Variants in OGT observed in about 807,000 individuals in gnomAD.
OGT encodes O-linked N-acetylglucosamine (GlcNAc) transferase, also known as UDP-N-acetylglucosamine--peptide N-acetylglucosaminyltransferase 110 kDa subunit.
OGT carries 3 observed loss-of-function variants against 75.8 expected under a neutral mutation model. That is an observed-to-expected ratio of 0.04 (90% CI 0.02 to 0.10). OGT has a LOEUF of 0.10. Among genes scored for constraint, OGT ranks in the 10% least tolerant of loss-of-function variants. The pLI is 1.00. For synonymous variants in OGT, 257 were observed against 289.7 expected (o/e 0.89, Z 1.15); for missense variants, 260 against 824.4 (o/e 0.32, Z 8.38).
intron 2 of OGT, 93 bp from the exon 3 acceptor site, chrX:71,537,736 G>A: frequency 9.7e-7 from 1 of 1,030,104 alleles, no homozygotes; most frequent in Non-Finnish European, 1.3e-6. Context: ...ATGAGCAATA[G>A]CACAGATCTC....
chrX:71,559,091 G>A (rs935244111), intron 12 of OGT, among the ~76,000 whole-genome samples, 176 bp from the exon 13 acceptor site: 1 of 109,265 alleles, frequency 9.2e-6, no homozygotes, highest in Non-Finnish European at 1.9e-5. Flanking sequence ...GCAGGTCAAA[G>A]TATGAAGCAT....
intron 14 of OGT, among the ~76,000 whole-genome samples, chrX:71,560,159 A>AT (rs1391532177): frequency 9.3e-6 from 1 of 107,697 alleles, no homozygotes; most frequent in Non-Finnish European, 1.9e-5. Context: ...CATTCCTGTA[A>AT]TCCCCGCTAC....
intron 14 of OGT, 41 bp from the exon 15 acceptor site, chrX:71,561,734 C>G: frequency 9.1e-7 from 1 of 1,093,336 alleles, no homozygotes. Context: ...ACTAATTGAT[C>G]TGAGATTATA....
chrX:71,553,974 CA>C (rs1234384190), intron 5 of OGT, among the ~76,000 whole-genome samples: 1 of 111,488 alleles, frequency 9.0e-6, no homozygotes, highest in East Asian at 2.8e-4. Context: ...AATATATTGC[CA>C]AGGTTGAGAA....
At chrX:71,538,293 G>T (rs1357903869) in intron 3 of OGT, among the ~76,000 whole-genome samples, 2 of 112,352 alleles carry the variant, frequency 1.8e-5, no homozygotes, top group Non-Finnish European at 3.8e-5. Flanking sequence ...AATTCTTATT[G>T]CAAGAAACTA....
At chrX:71,550,369 TG>T (rs1480188219) in intron 5 of OGT, among the ~76,000 whole-genome samples, 1 of 111,941 alleles carries the variant, frequency 8.9e-6, no homozygotes, top group Non-Finnish European at 1.9e-5. Context: ...GCTTGCCATT[TG>T]TTTTTTTTGT....
intron 12 of OGT, 75 bp from the exon 13 acceptor site, chrX:71,559,192 G>A (rs769810084): frequency 3.7e-5 from 36 of 964,219 alleles, no homozygotes; most frequent in Non-Finnish European, 5.2e-5. Flanking sequence ...GTATAGGTTT[G>A]GTGTGTTTTT....
intron 7 of OGT, 61 bp downstream of exon 7, chrX:71,555,446 G>A: frequency 9.7e-7 from 1 of 1,031,896 alleles, no homozygotes. Flanking sequence ...TTCTGGCCAG[G>A]TGTGGTGGCT....
In OGT at chrX:71,544,551, G is replaced by C. The variant is rs758905175; in HGVS notation, c.463-16G>C. 7 of 1,199,123 alleles carry C rather than the reference G, an allele frequency of 5.8e-6. No individual in the cohort carries two copies. The African/African-American group carries it at 1.2e-4, about 21-fold the overall frequency. ...AAAGCAGAGTATAATTAATGACAGC[G>C]TCTCTGGGTTTCTAGGATTTGTACT... On this transcript the variant is annotated splice_polypyrimidine_tract_variant and intron_variant, in intron 3 of 21. Coordinates refer to ENST00000373719, the MANE Select transcript of OGT (RefSeq NM_181672.3).
In OGT at chrX:71,547,927, T is replaced by C. The variant is rs139391119; in HGVS notation, c.552T>C (p.Ile184=). ...CTAAGGCATGTTATTTGAAAGCAATTGAGACGCAACCGAACTTTGCAGTAG... is the reference window on the plus strand; with the variant it reads ...CTAAGGCATGTTATTTGAAAGCAATCGAGACGCAACCGAACTTTGCAGTAG... ...EEAKACYLKA[I]ETQPNFAVAW... Residue 184 remains isoleucine, a synonymous_variant, in exon 5 of 22, where the codon ATT becomes ATC. Coordinates refer to ENST00000373719, the MANE Select transcript of OGT (RefSeq NM_181672.3). 4.2e-4 allele frequency: 501 copies of C among 1,205,755 alleles called. 3 individuals carry two copies. The African/African-American group carries it at 8.0e-3, about 19-fold the overall frequency.
Position 71,542,754 on chromosome X carries a change from C to G in OGT, c.463-1813C>G, listed in dbSNP as rs1202348264. ...GTATGCATGGATTGGATTATGCAGT[C>G]ATGGTCTGCCAAAACAGGGGTAACC... is the stretch of plus-strand genomic sequence containing the variant. On this transcript the variant is annotated intron_variant, in intron 3 of 21. Coordinates refer to ENST00000373719, the MANE Select transcript of OGT (RefSeq NM_181672.3). 2.7e-5 allele frequency among the ~76,000 whole-genome samples: 3 copies of G among 112,190 alleles called. No individual in the cohort carries two copies. In the East Asian group the frequency reaches 8.3e-4, roughly 31 times the overall value.
At chrX:71,542,113 T>C (rs192991588) in intron 3 of OGT, among the ~76,000 whole-genome samples, 1,210 of 112,380 alleles carry the variant, frequency 0.011, 20 homozygotes, top group African/African-American at 0.037. Context: ...GGATTCTATA[T>C]CTTTTCCCTA....
chrX:71,568,267 G>A (rs1270533927), intron 21 of OGT, 151 bp downstream of exon 21: 1 of 403,876 alleles, frequency 2.5e-6, no homozygotes, highest in Non-Finnish European at 4.0e-6. Flanking sequence ...TCTTAGAAAT[G>A]AAGTGATCAA....
chrX:71,546,717 A>G (rs2040261604), intron 4 of OGT: 1 of 750,425 alleles, frequency 1.3e-6, no homozygotes, highest in African/African-American at 2.3e-5. Context: ...CTTGTTGTTC[A>G]TTTTTTTTCC....
At chrX:71,571,011 C>T (rs1291438945) in intron 21 of OGT, among the ~76,000 whole-genome samples, 1 of 107,320 alleles carries the variant, frequency 9.3e-6, no homozygotes, top group Non-Finnish European at 1.9e-5. Flanking sequence ...ACCAATATTG[C>T]CCAGGCTGGT....
intron 21 of OGT, among the ~76,000 whole-genome samples, chrX:71,570,144 G>T (rs1045107491): frequency 1.1e-5 from 1 of 95,066 alleles, no homozygotes; most frequent in East Asian, 3.6e-4. Context: ...GGGTTCAAGC[G>T]ATTCTCCTGC....
chrX:71,546,954 A>G, intron 4 of OGT: 1 of 754,701 alleles, frequency 1.3e-6, no homozygotes, highest in Non-Finnish European at 1.6e-6. Context: ...TAATCTCATT[A>G]AACAAATATT....
At position 71,562,948 on chromosome X, in the gene OGT, C is replaced by T. The variant is rs770630335; in HGVS notation, c.2079C>T (p.Ser693=). The T allele has an allele frequency of 1.7e-5, 20 of 1,207,989 alleles. No homozygotes were observed. Among genetic ancestry groups the T allele is most frequent in the Middle Eastern group, 2.3e-4 (1 of 4,355 alleles). The change falls in exon 16 of 22, where the codon TCC becomes TCT. Residue 693 remains serine, a synonymous_variant. Transcript: ENST00000373719. ...CAGCTGAAGTTGCTGAGCAGTATTCCGAGAAATTGGCTTATATGCCCCACA... is the reference window on the plus strand; with the variant it reads ...CAGCTGAAGTTGCTGAGCAGTATTCTGAGAAATTGGCTTATATGCCCCACA... ...TSPAEVAEQY[S]EKLAYMPHTF...
rs183337698 is a variant in OGT at position 71,548,200 on chromosome X, A to G, written c.648+177A>G. On this transcript the variant is annotated intron_variant, in intron 5 of 21. Coordinates refer to ENST00000373719, the MANE Select transcript of OGT (RefSeq NM_181672.3). Reference sequence around the variant, plus strand: ...ACTTAAATATTTTTTCAACTTGACAATGGTGCAAAAGACATACATATTCAA... The same window carrying G: ...ACTTAAATATTTTTTCAACTTGACAGTGGTGCAAAAGACATACATATTCAA... Among the ~76,000 whole-genome samples the G allele has an allele frequency of 8.5e-4, 95 of 112,138 alleles. 1 individual carries two copies. Among genetic ancestry groups the G allele is most frequent in the African/African-American group, 2.9e-3 (89 of 30,880 alleles).
Sources: allele counts gnomAD v4.1 joint callset (sites outside exome capture counted in the v4.1 genomes callset), GRCh38; gene constraint gnomAD v4.1.1; transcripts MANE v1.5; gene names NCBI Gene and HGNC (gene_info 2026-07-23, HGNC 2026-07-21).